The following ANKRD26 variants were observed in gnomAD, a reference collection of about 807,000 sequenced individuals.
ANKRD26 encodes ankyrin repeat domain-containing protein 26.
In ANKRD26, 141 loss-of-function variants were observed where a neutral mutation model predicts 208.7. The observed-to-expected ratio is 0.68, with a 90% CI of 0.59 to 0.78. The LOEUF is 0.78. Among genes scored for constraint, ANKRD26 ranks in the 30% least tolerant of loss-of-function variants. The probability of loss-of-function intolerance (pLI) is 0.00; values close to 1 mark genes in which losing one functional copy is unlikely to be tolerated. For synonymous variants in ANKRD26, 636 were observed against 660.4 expected (o/e 0.96, Z 0.57); for missense variants, 1,889 against 1,938.7 (o/e 0.97, Z 0.48).
At chr10:27,080,181 A>AAAATAAAT (rs1157687312) in intron 6 of ANKRD26, 1 of 155,256 alleles carries the variant, frequency 6.4e-6, no homozygotes, top group South Asian at 1.9e-4. Flanking sequence ...AAAATAAAAT[A>AAAATAAAT]AAATAAATAA....
the ANKRD26 span, among the ~76,000 whole-genome samples, chr10:26,950,880 T>G: frequency 6.6e-6 from 1 of 151,842 alleles, no homozygotes; most frequent in African/African-American, 2.4e-5. Flanking sequence ...CAGAATTGAT[T>G]TATTTGTCAA....
At chr10:27,072,178 T>C (rs1396685717) in intron 9 of ANKRD26, among the ~76,000 whole-genome samples, 2 of 152,222 alleles carry the variant, frequency 1.3e-5, no homozygotes, top group African/African-American at 2.4e-5. Context: ...GGAAGGCTTA[T>C]GGCCTGGGAC....
chr10:27,028,727 TA>T, intron 27 of ANKRD26, 124 bp downstream of exon 27: 204 of 773,868 alleles, frequency 2.6e-4, no homozygotes, highest in Non-Finnish European at 3.3e-4. Context: ...TATTCCAAAA[TA>T]AAAAAAAATC....
intron 27 of ANKRD26, 75 bp downstream of exon 27, chr10:27,028,777 A>G: frequency 8.2e-7 from 1 of 1,217,632 alleles, no homozygotes; most frequent in Non-Finnish European, 1.2e-6. Flanking sequence ...CATTTTAAAT[A>G]AGGGATACTC....
the ANKRD26 span, among the ~76,000 whole-genome samples, chr10:26,960,730 T>G: frequency 6.6e-6 from 1 of 152,326 alleles, no homozygotes; most frequent in South Asian, 2.1e-4. Context: ...TATCCTATAT[T>G]TACTTGAAAT....
chr10:27,037,460 T>A (rs969639022), intron 22 of ANKRD26, 137 bp from the exon 23 acceptor site: 4 of 948,616 alleles, frequency 4.2e-6, no homozygotes, highest in African/African-American at 3.3e-5. Context: ...TACTCAAGAA[T>A]TACTCAAATT....
intron 1 of ANKRD26, among the ~76,000 whole-genome samples, chr10:27,098,281 A>C (rs1001860953): frequency 1.3e-5 from 2 of 152,058 alleles, no homozygotes; most frequent in Non-Finnish European, 2.9e-5. Context: ...AAGTGCTGGG[A>C]TTACAGTCAT....
chr10:27,014,797 G>T, intron 30 of ANKRD26, 86 bp from the exon 31 acceptor site: 1 of 1,082,206 alleles, frequency 9.2e-7, no homozygotes, highest in Non-Finnish European at 1.4e-6. Context: ...GGGCTGTTTT[G>T]TTTTTAACCC....
At chr10:27,092,055 T>A (rs996439338) in intron 4 of ANKRD26, among the ~76,000 whole-genome samples, 1 of 151,638 alleles carries the variant, frequency 6.6e-6, no homozygotes, top group African/African-American at 2.4e-5. Flanking sequence ...ATAAGAAACC[T>A]CTTTAGCTAA....
chr10:27,060,615 G>T, intron 13 of ANKRD26, 75 bp from the exon 14 acceptor site: 3 of 1,102,606 alleles, frequency 2.7e-6, no homozygotes, highest in Admixed American at 2.1e-5. Flanking sequence ...TGCAGTGTTA[G>T]TATGACCAGA....
At chr10:27,078,747 A>C (rs2055791535) in intron 7 of ANKRD26, among the ~76,000 whole-genome samples, 2 of 152,122 alleles carry the variant, frequency 1.3e-5, no homozygotes, top group Admixed American at 6.5e-5. Context: ...TCATAGTAGG[A>C]GTGCTTATCC....
At chr10:27,017,918 T>G in intron 29 of ANKRD26, 126 bp from the exon 30 acceptor site, 1 of 928,410 alleles carries the variant, frequency 1.1e-6, no homozygotes, top group South Asian at 1.7e-5. Context: ...CCATAAAAGA[T>G]TCTTCAAATG....
At position 27,043,570 on chromosome 10, in the gene ANKRD26, A is replaced by G. The variant is rs1345286387; in HGVS notation, c.2020-3T>C. ...ATAGACTGTATTTGGTTTTTGACCT[A>G]TGAAATAAATAACACTGTTTCAAAA... On this transcript the variant is annotated splice_polypyrimidine_tract_variant and splice_region_variant and intron_variant, in intron 19 of 33. Coordinates refer to ENST00000376087, the MANE Select transcript of ANKRD26 (RefSeq NM_014915.3). The G allele has an allele frequency of 6.2e-7, 1 of 1,611,910 alleles. No individual in the cohort carries two copies. The highest frequency in any genetic ancestry group is 1.1e-5 in the South Asian group (1 of 91,002).
chr10:26,995,265 A>G, intron 4 of ANKRD26: 1 of 449,498 alleles, frequency 2.2e-6, no homozygotes, highest in Non-Finnish European at 4.6e-6. Flanking sequence ...ATGAGAGTTT[A>G]GAAGGGTCTC....
At chr10:26,983,122 C>T (rs1392613430) in intron 3 of ANKRD26, among the ~76,000 whole-genome samples, 1 of 152,172 alleles carries the variant, frequency 6.6e-6, no homozygotes, top group Non-Finnish European at 1.5e-5. Flanking sequence ...CGTGAGTCCT[C>T]ATTGTTTAGC....
At chr10:27,032,510 C>T (rs1175189298) in intron 25 of ANKRD26, among the ~76,000 whole-genome samples, 1 of 152,072 alleles carries the variant, frequency 6.6e-6, no homozygotes, top group Non-Finnish European at 1.5e-5. Flanking sequence ...GTGGTGGGCA[C>T]CTGTAATCCC....
chr10:26,983,787 T>C (rs544545026), intron 3 of ANKRD26, among the ~76,000 whole-genome samples: 1 of 152,310 alleles, frequency 6.6e-6, no homozygotes, highest in African/African-American at 2.4e-5. Context: ...CATGTGCCTT[T>C]CTCCTAAGAG....
At chr10:27,024,589 TA>T in intron 27 of ANKRD26, 30 bp from the exon 28 acceptor site, 1 of 1,265,110 alleles carries the variant, frequency 7.9e-7, no homozygotes, top group Non-Finnish European at 1.1e-6. Flanking sequence ...CAATTACTTT[TA>T]AAACTCTGGA....
At chr10:26,953,995 CCA>C in the ANKRD26 span, among the ~76,000 whole-genome samples, 1 of 152,164 alleles carries the variant, frequency 6.6e-6, no homozygotes, top group Non-Finnish European at 1.5e-5. Flanking sequence ...CTAGTTAATT[CCA>C]CACAGAGGCT....
Sources: allele counts gnomAD v4.1 joint callset (sites outside exome capture counted in the v4.1 genomes callset), GRCh38; gene constraint gnomAD v4.1.1; transcripts MANE v1.5; gene names NCBI Gene and HGNC (gene_info 2026-07-23, HGNC 2026-07-21).